The following MB21D2 variants were observed in gnomAD, a reference collection of about 807,000 sequenced individuals.
MB21D2 encodes nucleotidyltransferase MB21D2.
MB21D2 carries 9 observed loss-of-function variants against 33.3 expected under a neutral mutation model. The observed-to-expected ratio is 0.27, with a 90% CI of 0.16 to 0.47. The LOEUF is 0.47. Among genes scored for constraint, MB21D2 ranks in the 20% least tolerant of loss-of-function variants. The pLI is 0.99. For missense variants in MB21D2, 540 were observed against 624.6 expected (o/e 0.86, Z 1.44); for synonymous variants, 241 against 236.3 (o/e 1.02, Z -0.18).
chr3:192,870,623 A>G (rs985878407), intron 1 of MB21D2, among the ~76,000 whole-genome samples: 1 of 148,660 alleles, frequency 6.7e-6, no homozygotes, highest in South Asian at 2.2e-4. Flanking sequence ...AGGCAGGAGA[A>G]TCACTGGAAC....
intron 1 of MB21D2, among the ~76,000 whole-genome samples, chr3:192,824,621 G>C (rs1054702285): frequency 4.6e-5 from 7 of 152,128 alleles, no homozygotes; most frequent in African/African-American, 1.7e-4. Context: ...TAAAATAGCT[G>C]TTTATAAAGA....
intron 1 of MB21D2, among the ~76,000 whole-genome samples, chr3:192,824,980 C>T (rs188049678): frequency 8.2e-4 from 125 of 152,318 alleles, no homozygotes; most frequent in African/African-American, 1.9e-3. Flanking sequence ...ACATTACATA[C>T]CCCGAGTAGC....
At chr3:192,858,138 A>AAAAC (rs1375859649) in intron 1 of MB21D2, among the ~76,000 whole-genome samples, 1 of 152,168 alleles carries the variant, frequency 6.6e-6, no homozygotes, top group South Asian at 2.1e-4. Context: ...AAAACAAAAC[A>AAAAC]AAACAAACAA....
intron 1 of MB21D2, among the ~76,000 whole-genome samples, chr3:192,910,934 A>C (rs1433546681): frequency 6.6e-6 from 1 of 152,202 alleles, no homozygotes; most frequent in Non-Finnish European, 1.5e-5. Flanking sequence ...CTATATAAAA[A>C]CTTTCAGATT....
chr3:192,858,927 G>A (rs1243583876), intron 1 of MB21D2, among the ~76,000 whole-genome samples: 2 of 152,206 alleles, frequency 1.3e-5, no homozygotes, highest in African/African-American at 2.4e-5. Context: ...CCTGCACACG[G>A]TGAGAATTTT....
intron 1 of MB21D2, among the ~76,000 whole-genome samples, chr3:192,906,266 C>A (rs973455544): frequency 3.3e-5 from 5 of 152,148 alleles, no homozygotes; most frequent in Non-Finnish European, 7.3e-5. Flanking sequence ...TCCTACTCCA[C>A]CCCCGCCATC....
At chr3:192,916,422 G>C (rs1489580223) in intron 1 of MB21D2, among the ~76,000 whole-genome samples, 1 of 152,176 alleles carries the variant, frequency 6.6e-6, no homozygotes, top group Non-Finnish European at 1.5e-5. Flanking sequence ...AGGAGAAAGA[G>C]AAAAGCCCTG....
intron 1 of MB21D2, among the ~76,000 whole-genome samples, chr3:192,890,824 T>G (rs542976057): frequency 1.3e-5 from 2 of 152,152 alleles, no homozygotes; most frequent in Non-Finnish European, 2.9e-5. Context: ...TGATATAAGA[T>G]GTACGTGCTT....
chr3:192,892,401 A>C (rs563136860), intron 1 of MB21D2, among the ~76,000 whole-genome samples: 21 of 152,350 alleles, frequency 1.4e-4, no homozygotes, highest in South Asian at 1.0e-3. Flanking sequence ...CTACAGAGAA[A>C]GGCTCAGAAA....
chr3:192,860,960 A>C (rs1323835982), intron 1 of MB21D2, among the ~76,000 whole-genome samples: 1 of 152,242 alleles, frequency 6.6e-6, no homozygotes, highest in Non-Finnish European at 1.5e-5. Flanking sequence ...AGTTTAAAAG[A>C]AAGAGCATTA....
intron 1 of MB21D2, among the ~76,000 whole-genome samples, chr3:192,841,016 C>T (rs534524942): frequency 6.6e-6 from 1 of 152,350 alleles, no homozygotes; most frequent in African/African-American, 2.4e-5. Flanking sequence ...GGAGTGAATT[C>T]ACATGTTCTG....
chr3:192,829,287 C>A (rs1188983132), intron 1 of MB21D2, among the ~76,000 whole-genome samples: 1 of 152,148 alleles, frequency 6.6e-6, no homozygotes, highest in African/African-American at 2.4e-5. Context: ...ATCCATTCAC[C>A]GTTTTCTGGG....
intron 1 of MB21D2, among the ~76,000 whole-genome samples, chr3:192,835,353 G>A (rs563120758): frequency 6.7e-6 from 1 of 148,962 alleles, no homozygotes; most frequent in South Asian, 2.2e-4. Context: ...CTACTCGGGA[G>A]GTTGAGGCAA....
intron 1 of MB21D2, among the ~76,000 whole-genome samples, chr3:192,804,592 T>C (rs941355840): frequency 1.3e-5 from 2 of 152,236 alleles, no homozygotes; most frequent in Non-Finnish European, 2.9e-5. Flanking sequence ...ATCTCAGTAA[T>C]AGTCATTGTT....
chr3:192,908,937 G>C (rs535965089), intron 1 of MB21D2, among the ~76,000 whole-genome samples: 1 of 152,050 alleles, frequency 6.6e-6, no homozygotes, highest in South Asian at 2.1e-4. Context: ...ACATCACACA[G>C]GATTTCCAAG....
At chr3:192,858,138 AAAAC>A (rs1375859649) in intron 1 of MB21D2, among the ~76,000 whole-genome samples, 2 of 152,168 alleles carry the variant, frequency 1.3e-5, no homozygotes, top group Non-Finnish European at 2.9e-5. Context: ...AAAACAAAAC[AAAAC>A]AAACAAACAA....
rs1007133174 is a variant in MB21D2 at position 192,916,439 on chromosome 3, T to G, written c.211+1191A>C. Among the ~76,000 whole-genome samples the G allele has an allele frequency of 3.9e-4, 59 of 152,170 alleles. 1 individual carries two copies. The highest frequency in any genetic ancestry group is 2.9e-5 in the Non-Finnish European group (2 of 68,024). On this transcript the variant is annotated intron_variant, in intron 1 of 1. Transcript: ENST00000392452. ...GAGAAAGAGAAAAGCCCTGTCTTAG[T>G]CTGTGGCCAAAAGACCTTTCCCAAT...
At chr3:192,873,060 A>G (rs1713346194) in intron 1 of MB21D2, among the ~76,000 whole-genome samples, 2 of 151,504 alleles carry the variant, frequency 1.3e-5, no homozygotes, top group South Asian at 4.2e-4. Flanking sequence ...CTGCCTATAC[A>G]CCCTTGTCCT....
chr3:192,858,805 T>C (rs1295898475), intron 1 of MB21D2, among the ~76,000 whole-genome samples: 1 of 152,176 alleles, frequency 6.6e-6, no homozygotes, highest in Non-Finnish European at 1.5e-5. Context: ...AAAGACAATA[T>C]ACTTCTATTT....
Sources: gnomAD v4.1 joint callset for allele counts (sites outside exome capture counted in the v4.1 genomes callset) on GRCh38, gnomAD v4.1.1 for gene constraint, MANE v1.5 for transcripts, NCBI Gene and HGNC (gene_info 2026-07-23, HGNC 2026-07-21) for gene names.